The following NEO1 variants were observed in gnomAD, a reference collection of about 807,000 sequenced individuals.
NEO1 encodes the protein neogenin.
NEO1 carries 63 observed loss-of-function variants against 159.7 expected under a neutral mutation model. The ratio of observed to expected loss-of-function variants is 0.39; its 90% CI spans 0.32 to 0.49. NEO1 has a LOEUF of 0.49. NEO1 is among the 20% of genes least tolerant of loss of function. The pLI is 0.85. For synonymous variants in NEO1, 633 were observed against 662.0 expected (o/e 0.96, Z 0.67); for missense variants, 1,615 against 1,831.0 (o/e 0.88, Z 2.15).
intron 5 of NEO1, among the ~76,000 whole-genome samples, chr15:73,167,860 C>T (rs2034681089): frequency 6.6e-6 from 1 of 152,138 alleles, no homozygotes; most frequent in African/African-American, 2.4e-5. Context: ...CATGTGATCA[C>T]AGAGCTAACA....
intron 1 of NEO1, among the ~76,000 whole-genome samples, chr15:73,068,597 C>T (rs867647931): frequency 9.2e-5 from 14 of 152,068 alleles, no homozygotes; most frequent in Middle Eastern, 3.2e-3. Flanking sequence ...ATCATGGGTC[C>T]GTCCACATAT....
At chr15:73,147,321 A>G (rs778014341) in intron 5 of NEO1, among the ~76,000 whole-genome samples, 1 of 152,122 alleles carries the variant, frequency 6.6e-6, no homozygotes, top group African/African-American at 2.4e-5. Flanking sequence ...TTTGCCTTCT[A>G]AAGGATTCTG....
At chr15:73,147,557 T>G (rs1029185535) in intron 5 of NEO1, among the ~76,000 whole-genome samples, 1 of 152,166 alleles carries the variant, frequency 6.6e-6, no homozygotes. Flanking sequence ...CTAGTAAATA[T>G]TCTTCATTCT....
intron 21 of NEO1, among the ~76,000 whole-genome samples, chr15:73,277,868 G>T (rs1379072471): frequency 6.6e-6 from 1 of 152,186 alleles, no homozygotes; most frequent in Non-Finnish European, 1.5e-5. Flanking sequence ...TACTGTCCCA[G>T]CTTCTAAACA....
At chr15:73,186,411 T>A (rs1023720955) in intron 7 of NEO1, among the ~76,000 whole-genome samples, 11 of 152,070 alleles carry the variant, frequency 7.2e-5, no homozygotes, top group African/African-American at 2.7e-4. Context: ...ATAAAGACCT[T>A]TTCAGAACAG....
intron 5 of NEO1, among the ~76,000 whole-genome samples, chr15:73,159,410 C>G (rs1042314137): frequency 6.6e-6 from 1 of 151,114 alleles, no homozygotes; most frequent in Non-Finnish European, 1.5e-5. Context: ...GAATATGACT[C>G]CACACCTTTG....
At chr15:73,277,771 G>T (rs189681692) in intron 21 of NEO1, among the ~76,000 whole-genome samples, 89 of 152,280 alleles carry the variant, frequency 5.8e-4, no homozygotes, top group African/African-American at 2.1e-3. Flanking sequence ...TAGTCCCCTT[G>T]GTTGCTTTTC....
chr15:73,253,222 G>A (rs187789151), intron 11 of NEO1, among the ~76,000 whole-genome samples, 178 bp from the exon 12 acceptor site: 1 of 152,150 alleles, frequency 6.6e-6, no homozygotes, highest in Admixed American at 6.5e-5. Flanking sequence ...AACCAGGCAT[G>A]GCTATATGTC....
In NEO1 at chr15:73,235,017, T is replaced by C. The variant is rs1567557686; in HGVS notation, c.1292-1330T>C. 4.6e-5 allele frequency among the ~76,000 whole-genome samples: 7 copies of C among 152,214 alleles called. 1 individual carries two copies. The highest frequency in any genetic ancestry group is 3.3e-4 in the Admixed American group (5 of 15,282). ...CTATATAGAGAGCCAGAGTGCCATA[T>C]GTAAGGTATTCAAGAAGTGGTAGCT... On this transcript the variant is annotated intron_variant, in intron 7 of 28. Coordinates refer to ENST00000261908, the MANE Select transcript of NEO1 (RefSeq NM_002499.4).
At chr15:73,232,242 G>A (rs2038948871) in intron 7 of NEO1, among the ~76,000 whole-genome samples, 1 of 152,124 alleles carries the variant, frequency 6.6e-6, no homozygotes, top group South Asian at 2.1e-4. Context: ...TACTAAATCT[G>A]TGATTTCTGC....
At chr15:73,302,177 G>A (rs768890338) in intron 28 of NEO1, among the ~76,000 whole-genome samples, 5 of 152,146 alleles carry the variant, frequency 3.3e-5, no homozygotes, top group Non-Finnish European at 4.4e-5. Flanking sequence ...GGTTGTTCTC[G>A]AAACAAAAAT....
intron 1 of NEO1, among the ~76,000 whole-genome samples, chr15:73,060,677 T>C (rs1281510946): frequency 6.6e-6 from 1 of 152,116 alleles, no homozygotes; most frequent in African/African-American, 2.4e-5. Context: ...AGATGGGCTC[T>C]CACTCTATCA....
At chr15:73,053,291 G>A (rs993334205) in intron 1 of NEO1, among the ~76,000 whole-genome samples, 2 of 152,176 alleles carry the variant, frequency 1.3e-5, no homozygotes, top group African/African-American at 4.8e-5. Context: ...GAGCTGGCTA[G>A]TCTCGAGGGA....
chr15:73,275,067 GT>G (rs1277711082), intron 21 of NEO1, among the ~76,000 whole-genome samples: 2 of 152,122 alleles, frequency 1.3e-5, no homozygotes, highest in African/African-American at 4.8e-5. Context: ...CATACCAATT[GT>G]TCATGTTTGC....
chr15:73,207,005 C>T (rs983569134), intron 7 of NEO1, among the ~76,000 whole-genome samples: 6 of 152,090 alleles, frequency 3.9e-5, no homozygotes, highest in Non-Finnish European at 5.9e-5. Context: ...TACAGGTGCA[C>T]ACCACCACAC....
chr15:73,291,823 T>G (rs971164496), intron 25 of NEO1, among the ~76,000 whole-genome samples: 2 of 152,130 alleles, frequency 1.3e-5, no homozygotes, highest in Non-Finnish European at 2.9e-5. Flanking sequence ...AGGGAAAAAG[T>G]CAATTTTGTT....
intron 9 of NEO1, among the ~76,000 whole-genome samples, chr15:73,247,564 A>G (rs77839496): frequency 0.011 from 1,710 of 152,300 alleles, 22 homozygotes; most frequent in East Asian, 0.049. Flanking sequence ...AAAGCAAACA[A>G]CTGTTAGAGT....
At chr15:73,101,617 G>A (rs577683031) in intron 1 of NEO1, among the ~76,000 whole-genome samples, 11 of 152,172 alleles carry the variant, frequency 7.2e-5, no homozygotes, top group Non-Finnish European at 1.2e-4. Context: ...TATCATTTTA[G>A]GGCTTACTTT....
At chr15:73,057,080 G>A (rs1221883932) in intron 1 of NEO1, among the ~76,000 whole-genome samples, 1 of 152,124 alleles carries the variant, frequency 6.6e-6, no homozygotes, top group Non-Finnish European at 1.5e-5. Context: ...TAAGTTGGGG[G>A]ATATAGGCAG....
Sources: gnomAD v4.1 joint callset for allele counts (sites outside exome capture counted in the v4.1 genomes callset) on GRCh38, gnomAD v4.1.1 for gene constraint, MANE v1.5 for transcripts, NCBI Gene and HGNC (gene_info 2026-07-23, HGNC 2026-07-21) for gene names.